EPC1: variants seen among roughly 807,000 people sequenced by gnomAD.
The protein encoded by EPC1 is enhancer of polycomb homolog 1.
EPC1 carries 12 observed loss-of-function variants against 98.4 expected under a neutral mutation model. The ratio of observed to expected loss-of-function variants is 0.12; its 90% CI spans 0.08 to 0.20. EPC1 has a LOEUF of 0.20. Ranked by LOEUF, EPC1 falls within the 10% of genes least tolerant of loss-of-function variation. The pLI is 1.00. For synonymous variants in EPC1, 357 were observed against 363.9 expected (o/e 0.98, Z 0.21); for missense variants, 729 against 990.5 (o/e 0.74, Z 3.54).
At chr10:32,361,383 C>G (rs775926409) in intron 1 of EPC1, among the ~76,000 whole-genome samples, 13 of 152,098 alleles carry the variant, frequency 8.5e-5, no homozygotes, top group Non-Finnish European at 1.8e-4. Flanking sequence ...ATGCCACCCC[C>G]AAAATTTATT....
intron 1 of EPC1, among the ~76,000 whole-genome samples, chr10:32,319,198 A>C (rs1204157351): frequency 6.6e-6 from 1 of 152,210 alleles, no homozygotes; most frequent in Non-Finnish European, 1.5e-5. Flanking sequence ...GGCAGAAGTG[A>C]CTTAAAAATG....
intron 6 of EPC1, among the ~76,000 whole-genome samples, chr10:32,288,068 C>T (rs906316061): frequency 1.3e-5 from 2 of 151,986 alleles, no homozygotes; most frequent in Non-Finnish European, 2.9e-5. Flanking sequence ...CGGCAAATAC[C>T]ACGGTTATGT....
At chr10:32,322,513 A>G (rs1836989479) in intron 1 of EPC1, among the ~76,000 whole-genome samples, 1 of 152,350 alleles carries the variant, frequency 6.6e-6, no homozygotes, top group East Asian at 1.9e-4. Flanking sequence ...CAAGTAGACT[A>G]AATTTGACCA....
chr10:32,284,568 AT>A (rs199666072), intron 10 of EPC1, 129 bp downstream of exon 10: 2,288 of 655,212 alleles, frequency 3.5e-3, no homozygotes, highest in South Asian at 5.2e-3. Flanking sequence ...TTAGACCAAG[AT>A]TTTTTTTTTA....
intron 1 of EPC1, among the ~76,000 whole-genome samples, chr10:32,355,607 CTTTTTTTTTTTTTTTTTTTTT>C (rs542748610): frequency 4.3e-4 from 31 of 72,878 alleles, no homozygotes; most frequent in African/African-American, 9.4e-4. Flanking sequence ...GTGCCTTACC[CTTTTTTTTTTTTTTTTTTTTT>C]TTTTTTTTTT....
intron 2 of EPC1, among the ~76,000 whole-genome samples, chr10:32,300,667 C>T (rs1465662592): frequency 6.6e-6 from 1 of 151,778 alleles, no homozygotes; most frequent in East Asian, 1.9e-4. Flanking sequence ...CTCCCGACCC[C>T]AGGTGATCTG....
At chr10:32,324,039 C>G (rs1184763314) in intron 1 of EPC1, among the ~76,000 whole-genome samples, 1 of 152,064 alleles carries the variant, frequency 6.6e-6, no homozygotes, top group African/African-American at 2.4e-5. Flanking sequence ...AGGTTCACGT[C>G]ATTCTCCTGC....
intron 13 of EPC1, 152 bp from the exon 14 acceptor site, chr10:32,269,287 T>C (rs891235932): frequency 3.4e-6 from 2 of 582,346 alleles, no homozygotes; most frequent in African/African-American, 1.9e-5. Context: ...CGAATCTTTA[T>C]AGTTTATTAT....
At chr10:32,296,450 C>T (rs1296922950) in intron 2 of EPC1, among the ~76,000 whole-genome samples, 1 of 152,180 alleles carries the variant, frequency 6.6e-6, no homozygotes, top group Non-Finnish European at 1.5e-5. Context: ...AATGGCAAGT[C>T]ACACCCAACA....
At chr10:32,362,392 T>G (rs111705468) in intron 1 of EPC1, among the ~76,000 whole-genome samples, 4,131 of 152,228 alleles carry the variant, frequency 0.027, 188 homozygotes, top group African/African-American at 0.093. Context: ...CCTCTTGGTG[T>G]TGTTCTCATG....
rs1002250722 is a variant in EPC1, at chr10:32,307,031, A to G, written c.154-1100T>C. Among the ~76,000 whole-genome samples, 22 of 152,206 alleles carry G rather than the reference A, an allele frequency of 1.4e-4. 1 individual carries two copies. The highest frequency in any genetic ancestry group is 1.2e-3 in the Admixed American group (19 of 15,278). On this transcript the variant is annotated intron_variant, in intron 1 of 13. Coordinates refer to ENST00000319778, the MANE Select transcript of EPC1 (RefSeq NM_001272004.3). ...TTTAAATATGTAAAGGAATATATAT[A>G]TTCCTATATAAATGGATATAAGATA...
chr10:32,307,915 T>C (rs1049473302), intron 1 of EPC1, among the ~76,000 whole-genome samples: 8 of 152,368 alleles, frequency 5.3e-5, no homozygotes, highest in Admixed American at 2.6e-4. Context: ...TAACCCTTAA[T>C]TTCTATGTGT....
rs973851793 is a variant in EPC1 at position 32,321,585 on chromosome 10, G to T, written c.154-15654C>A. On this transcript the variant is annotated intron_variant, in intron 1 of 13. Coordinates refer to ENST00000319778, the MANE Select transcript of EPC1 (RefSeq NM_001272004.3). Reference sequence around the variant, plus strand: ...AGGTAGATCAGTGGCAGAGACTAAAGAATGCTCTACTATTTACATAGTGAA... The same window carrying T: ...AGGTAGATCAGTGGCAGAGACTAAATAATGCTCTACTATTTACATAGTGAA... Among the ~76,000 whole-genome samples, 3 of 151,958 alleles carry T rather than the reference G, an allele frequency of 2.0e-5. No homozygotes were observed. The South Asian group carries it at 6.2e-4, about 32-fold the overall frequency.
rs183025415 is a variant in EPC1 at position 32,373,952 on chromosome 10, C to G, written c.3+4539G>C. 1.7e-4 allele frequency among the ~76,000 whole-genome samples: 26 copies of G among 152,248 alleles called. No individual in the cohort carries two copies. The East Asian group carries it at 4.8e-3, about 28-fold the overall frequency. ...AAAGCAAACTAAATAATATAACACA[C>G]CTAGCTACTATAGATTAATTGGCTG... On this transcript the variant is annotated intron_variant, in intron 1 of 13. Transcript: ENST00000375110.
In EPC1 at chr10:32,278,347, A is replaced by G. The variant is rs530053401; in HGVS notation, c.1745-5066T>C. ...GTGAACCACAGCACCTAGCCCCTCA[A>G]AATGTATACTTTGGTTTTTTTTTGT... On this transcript the variant is annotated intron_variant, in intron 10 of 13. Transcript: ENST00000319778. 7.3e-5 allele frequency among the ~76,000 whole-genome samples: 11 copies of G among 149,758 alleles called. No individual in the cohort carries two copies. The South Asian group carries it at 1.5e-3, about 20-fold the overall frequency.
intron 5 of EPC1, 79 bp downstream of exon 5, chr10:32,292,417 G>A: frequency 9.8e-7 from 1 of 1,018,514 alleles, no homozygotes; most frequent in Non-Finnish European, 1.4e-6. Flanking sequence ...TTAGATTATT[G>A]CATAGGAAAT....
At position 32,375,030 on chromosome 10, in the gene EPC1, T is replaced by A. The variant is rs535335057; in HGVS notation, c.3+3461A>T. Reference sequence around the variant, plus strand: ...TTTGGAAAGATCAAAAACAAAGTCATAACACAAACACACATTTTGTGTATC... The same window carrying A: ...TTTGGAAAGATCAAAAACAAAGTCAAAACACAAACACACATTTTGTGTATC... On this transcript the variant is annotated intron_variant, in intron 1 of 13. Coordinates refer to the EPC1 transcript ENST00000375110. 6.6e-5 allele frequency among the ~76,000 whole-genome samples: 10 copies of A among 152,280 alleles called. 1 individual carries two copies. In the Middle Eastern group the frequency reaches 0.02, roughly 311 times the overall value.
intron 1 of EPC1, among the ~76,000 whole-genome samples, chr10:32,373,451 A>C (rs1386050373): frequency 6.6e-6 from 1 of 152,238 alleles, no homozygotes; most frequent in Non-Finnish European, 1.5e-5. Context: ...TAAAGCAATT[A>C]AGTGCTAACC....
intron 1 of EPC1, among the ~76,000 whole-genome samples, chr10:32,324,678 C>A (rs1474740886): frequency 1.3e-5 from 2 of 151,526 alleles, no homozygotes; most frequent in Admixed American, 6.6e-5. Flanking sequence ...TCTTAAAAAA[C>A]AAACAAACAA....
Sources: gnomAD v4.1 joint callset for allele counts (sites outside exome capture counted in the v4.1 genomes callset) on GRCh38, gnomAD v4.1.1 for gene constraint, MANE v1.5 for transcripts, NCBI Gene and HGNC (gene_info 2026-07-23, HGNC 2026-07-21) for gene names.